FBXO11: variants seen among roughly 807,000 people sequenced by gnomAD.
FBXO11 encodes the protein F-box protein 11.
Under a neutral mutation model 117.0 loss-of-function variants are expected in FBXO11, and 13 were observed. The ratio of observed to expected loss-of-function variants is 0.11; its 90% CI spans 0.07 to 0.18. The LOEUF is 0.18. Ranked by LOEUF, FBXO11 falls within the 10% of genes least tolerant of loss-of-function variation. The pLI, the probability that FBXO11 is intolerant of heterozygous loss-of-function variation, is 1.00. For synonymous variants in FBXO11, 490 were observed against 380.5 expected (o/e 1.29, Z -3.35); for missense variants, 767 against 1,164.4 (o/e 0.66, Z 4.97).
chr2:47,806,923 T>A lies in FBXO11; in HGVS notation c.*1195A>T. 1 of 1,207,198 alleles carries A rather than the reference T, an allele frequency of 8.3e-7. No individual in the cohort carries two copies. The highest frequency in any genetic ancestry group is 1.2e-6 in the Non-Finnish European group (1 of 816,340). 74.8% of individuals were successfully genotyped at this position (1,207,198 alleles called of 1,614,324 possible). A position where few individuals can be genotyped will look rare whatever the true frequency, so the allele number is the denominator to read the frequency against. ...AAGGTGGTAAATTCAGACAACATTA[T>A]GATCTAATAAACTTTATTTTTTAAA... On this transcript the variant is annotated 3_prime_UTR_variant, in exon 23 of 23. Coordinates refer to ENST00000403359, the MANE Select transcript of FBXO11 (RefSeq NM_001190274.2).
intron 1 of FBXO11, among the ~76,000 whole-genome samples, chr2:47,900,582 A>ACACACG (rs1558486077): frequency 8.5e-6 from 1 of 118,014 alleles, no homozygotes; most frequent in Non-Finnish European, 2.0e-5. Context: ...GTATACACAC[A>ACACACG]TATATACGTA....
intron 11 of FBXO11, among the ~76,000 whole-genome samples, chr2:47,823,734 CAA>C (rs904988848): frequency 2.0e-5 from 3 of 150,858 alleles, no homozygotes; most frequent in Non-Finnish European, 2.9e-5. Flanking sequence ...GCCTGGGTGA[CAA>C]GAGCAAAACT....
At chr2:47,831,771 C>T (rs1358546925) in intron 11 of FBXO11, among the ~76,000 whole-genome samples, 4 of 152,144 alleles carry the variant, frequency 2.6e-5, no homozygotes, top group Non-Finnish European at 4.4e-5. Flanking sequence ...ACTTAAAACA[C>T]AGTATATTCC....
intron 11 of FBXO11, among the ~76,000 whole-genome samples, chr2:47,826,339 G>A (rs998751905): frequency 2.6e-5 from 4 of 152,140 alleles, no homozygotes; most frequent in African/African-American, 9.7e-5. Flanking sequence ...TTACAGGTGT[G>A]AGCCACCGCG....
At chr2:47,880,469 G>C (rs72811514) in intron 1 of FBXO11, among the ~76,000 whole-genome samples, 2,456 of 151,942 alleles carry the variant, frequency 0.016, 33 homozygotes, top group Non-Finnish European at 0.028. Context: ...CTCCTTTCTT[G>C]TTTACTTTTC....
At chr2:47,825,571 C>CTTTTTTTTTTT (rs751404253) in intron 11 of FBXO11, among the ~76,000 whole-genome samples, 1 of 88,312 alleles carries the variant, frequency 1.1e-5, no homozygotes. Flanking sequence ...TCTTCTTCTT[C>CTTTTTTTTTTT]TTTTTTTTTT....
intron 1 of FBXO11, among the ~76,000 whole-genome samples, chr2:47,844,067 T>C (rs1246157738): frequency 6.6e-6 from 1 of 152,184 alleles, no homozygotes; most frequent in Non-Finnish European, 1.5e-5. Flanking sequence ...TAACCATTTA[T>C]TGCTAGACTT....
intron 1 of FBXO11, among the ~76,000 whole-genome samples, chr2:47,846,631 G>A (rs1673431390): frequency 6.6e-6 from 1 of 151,844 alleles, no homozygotes; most frequent in Non-Finnish European, 1.5e-5. Context: ...AAATGTTCTA[G>A]ACCAGAAATG....
At chr2:47,841,433 C>G (rs976644149) in intron 1 of FBXO11, among the ~76,000 whole-genome samples, 1 of 152,008 alleles carries the variant, frequency 6.6e-6, no homozygotes, top group Non-Finnish European at 1.5e-5. Context: ...TGTAAAATCA[C>G]AAAAACAACC....
At chr2:47,903,963 C>T (rs931242661) in intron 1 of FBXO11, among the ~76,000 whole-genome samples, 1 of 152,164 alleles carries the variant, frequency 6.6e-6, no homozygotes, top group Non-Finnish European at 1.5e-5. Flanking sequence ...AATTATGTTG[C>T]ACAAGATCTC....
chr2:47,834,511 A>ATT, intron 7 of FBXO11, 68 bp downstream of exon 7: 3 of 1,244,844 alleles, frequency 2.4e-6, no homozygotes, highest in Non-Finnish European at 3.3e-6. Flanking sequence ...AGTCACTAGC[A>ATT]TTTTTAAAAT....
intron 11 of FBXO11, among the ~76,000 whole-genome samples, chr2:47,827,047 A>G (rs1376576611): frequency 3.3e-5 from 5 of 152,230 alleles, no homozygotes; most frequent in African/African-American, 1.2e-4. Context: ...TAGGTTAAGG[A>G]TTAAATATGT....
chr2:47,905,197 C>T (rs1186800188), intron 1 of FBXO11: 1 of 212,910 alleles, frequency 4.7e-6, no homozygotes. Flanking sequence ...GGTCTGTGAG[C>T]GAGCGGAGAA....
At chr2:47,831,568 C>T (rs1370019826) in intron 11 of FBXO11, among the ~76,000 whole-genome samples, 4 of 151,504 alleles carry the variant, frequency 2.6e-5, no homozygotes, top group Non-Finnish European at 5.9e-5. Flanking sequence ...ATGTGGTGAC[C>T]CTCTCTCCCA....
intron 1 of FBXO11, among the ~76,000 whole-genome samples, chr2:47,901,118 C>A: frequency 1.2e-5 from 1 of 82,262 alleles, no homozygotes; most frequent in African/African-American, 4.6e-5. Context: ...TATATGTACA[C>A]ACGTGTGTAC....
intron 1 of FBXO11, among the ~76,000 whole-genome samples, chr2:47,902,638 T>C (rs1023837678): frequency 6.6e-6 from 1 of 152,166 alleles, no homozygotes; most frequent in Non-Finnish European, 1.5e-5. Flanking sequence ...AGGAAGTTTT[T>C]ATACCAATTA....
chr2:47,834,881 C>A lies in FBXO11; in HGVS notation c.718-10G>T. 2 of 1,600,712 alleles carry A rather than the reference C, an allele frequency of 1.2e-6. No homozygotes were observed. The highest frequency in any genetic ancestry group is 2.2e-5 in the South Asian group (2 of 89,718). ...CATGTGCACCTTTATACTAAAATGT[C>A]AAAAACAAAACAAAACCATTGACTA... is the stretch of plus-strand genomic sequence containing the variant. On this transcript the variant is annotated splice_polypyrimidine_tract_variant and intron_variant, in intron 5 of 22. Coordinates refer to ENST00000403359, the MANE Select transcript of FBXO11 (RefSeq NM_001190274.2).
At chr2:47,811,815 C>T (rs990874540) in intron 18 of FBXO11, among the ~76,000 whole-genome samples, 1 of 152,122 alleles carries the variant, frequency 6.6e-6, no homozygotes, top group Non-Finnish European at 1.5e-5. Flanking sequence ...ACTACATTGC[C>T]TAGGCTGGTT....
intron 1 of FBXO11, among the ~76,000 whole-genome samples, chr2:47,870,306 C>T (rs1675529751): frequency 6.6e-6 from 1 of 152,138 alleles, no homozygotes; most frequent in African/African-American, 2.4e-5. Context: ...AGAGTTGCTT[C>T]TGATTGCTAC....
Sources: gnomAD v4.1 joint callset for allele counts (sites outside exome capture counted in the v4.1 genomes callset) on GRCh38, gnomAD v4.1.1 for gene constraint, MANE v1.5 for transcripts, NCBI Gene and HGNC (gene_info 2026-07-23, HGNC 2026-07-21) for gene names.